SNTG1: variants seen among roughly 807,000 people sequenced by gnomAD.
The protein encoded by SNTG1 is gamma-1-syntrophin.
Under a neutral mutation model 74.7 loss-of-function variants are expected in SNTG1, and 39 were observed. The observed-to-expected ratio is 0.52, with a 90% CI of 0.40 to 0.68. The LOEUF is 0.68. Ranked by LOEUF, SNTG1 falls within the 30% of genes least tolerant of loss-of-function variation. SNTG1 has a pLI of 0.00. For synonymous variants in SNTG1, 254 were observed against 217.1 expected, an observed-to-expected ratio of 1.17 and a Z score of -1.49; for missense variants, 685 against 609.5, an observed-to-expected ratio of 1.12 and a Z score of -1.30.
rs185599093 is a variant in SNTG1 at position 50,162,300 on chromosome 8, T to C, written c.-102-10261T>C. On this transcript the variant is annotated intron_variant, in intron 1 of 18. Transcript: ENST00000642720. ...AGCACCGGCCGTGCGCGGTGGCTCA[T>C]GCCTGTAATCCCAGCACTTTGGGAG... Among the ~76,000 whole-genome samples the C allele has an allele frequency of 6.4e-3, 978 of 152,142 alleles. 10 individuals are homozygous for C. Among genetic ancestry groups the C allele is most frequent in the Middle Eastern group, 0.01 (3 of 294 alleles).
chr8:50,591,864 A>G (rs1178764797), intron 13 of SNTG1, among the ~76,000 whole-genome samples: 1 of 152,132 alleles, frequency 6.6e-6, no homozygotes, highest in African/African-American at 2.4e-5. Flanking sequence ...CCAAGTTGAT[A>G]TCTTGGATAA....
At chr8:50,304,208 C>A (rs1266226603) in intron 2 of SNTG1, among the ~76,000 whole-genome samples, 4 of 152,222 alleles carry the variant, frequency 2.6e-5, no homozygotes, top group Admixed American at 2.0e-4. Context: ...TAGGTTTTGC[C>A]TCTATTTTCT....
chr8:50,577,520 G>A (rs1383821), intron 12 of SNTG1, among the ~76,000 whole-genome samples: 90,304 of 148,692 alleles, frequency 0.61, 30,062 homozygotes, highest in East Asian at 0.78. Context: ...TAATGGCCTC[G>A]TAAAATGAGT....
At chr8:50,751,142 T>C (rs2095566352) in intron 17 of SNTG1, among the ~76,000 whole-genome samples, 1 of 152,052 alleles carries the variant, frequency 6.6e-6, no homozygotes, top group Non-Finnish European at 1.5e-5. Flanking sequence ...TTCTATCACA[T>C]ATTTAATGAG....
chr8:50,742,734 A>G (rs1163118014), intron 17 of SNTG1, among the ~76,000 whole-genome samples: 1 of 151,850 alleles, frequency 6.6e-6, no homozygotes, highest in Non-Finnish European at 1.5e-5. Context: ...AGAAAAATCA[A>G]CAAAATTAAA....
intron 8 of SNTG1, among the ~76,000 whole-genome samples, chr8:50,499,422 CT>C (rs1209490748): frequency 1.6e-3 from 212 of 135,178 alleles, no homozygotes; most frequent in Non-Finnish European, 1.8e-3. Flanking sequence ...GTTCCAGGAG[CT>C]TTTTTTTTTT....
intron 13 of SNTG1, among the ~76,000 whole-genome samples, chr8:50,596,149 T>C (rs1028638207): frequency 6.6e-6 from 1 of 152,044 alleles, no homozygotes; most frequent in African/African-American, 2.4e-5. Flanking sequence ...TTGGACATTC[T>C]AATAGATGTG....
chr8:50,291,180 C>T (rs1435028576), intron 2 of SNTG1, among the ~76,000 whole-genome samples: 1 of 151,982 alleles, frequency 6.6e-6, no homozygotes, highest in African/African-American at 2.4e-5. Flanking sequence ...TCTCCTCAAA[C>T]ATCTTGCCTA....
intron 12 of SNTG1, among the ~76,000 whole-genome samples, chr8:50,557,117 G>A (rs2094460255): frequency 6.6e-6 from 1 of 151,716 alleles, no homozygotes; most frequent in African/African-American, 2.4e-5. Context: ...GGTGGGCAAG[G>A]AGGCTGGGCC....
chr8:50,263,932 G>A (rs2087324151), intron 2 of SNTG1, among the ~76,000 whole-genome samples: 1 of 152,256 alleles, frequency 6.6e-6, no homozygotes, highest in South Asian at 2.1e-4. Context: ...CATATGCTAA[G>A]CCATAAAACA....
At chr8:50,687,193 G>C (rs1585530169) in intron 15 of SNTG1, among the ~76,000 whole-genome samples, 2 of 147,006 alleles carry the variant, frequency 1.4e-5, no homozygotes, top group South Asian at 4.4e-4. Context: ...TATGACTATA[G>C]AAAACCATGA....
chr8:50,355,720 A>T (rs1489215403), intron 2 of SNTG1, among the ~76,000 whole-genome samples: 1 of 152,182 alleles, frequency 6.6e-6, no homozygotes, highest in Admixed American at 6.5e-5. Context: ...CAGCTGTGGG[A>T]TTTGACCTAA....
At chr8:50,438,687 A>G in intron 5 of SNTG1, 88 bp downstream of exon 5, 1 of 1,123,838 alleles carries the variant, frequency 8.9e-7, no homozygotes, top group Middle Eastern at 2.0e-4. Context: ...ATTAATAATT[A>G]GACAAGGATG....
chr8:50,678,649 G>T (rs528399718), intron 15 of SNTG1, among the ~76,000 whole-genome samples: 1 of 152,044 alleles, frequency 6.6e-6, no homozygotes, highest in East Asian at 1.9e-4. Context: ...ATACATGATT[G>T]AAGGAATGTT....
intron 2 of SNTG1, among the ~76,000 whole-genome samples, chr8:50,262,946 T>C (rs1011326727): frequency 1.3e-5 from 2 of 152,158 alleles, no homozygotes; most frequent in African/African-American, 2.4e-5. Context: ...AAGAGAGAGA[T>C]GCATTATCAC....
intron 1 of SNTG1, among the ~76,000 whole-genome samples, chr8:50,162,851 T>G (rs2082473131): frequency 6.6e-6 from 1 of 152,110 alleles, no homozygotes; most frequent in African/African-American, 2.4e-5. Context: ...TATCCCAGCT[T>G]CAGAGCATGA....
intron 1 of SNTG1, among the ~76,000 whole-genome samples, chr8:50,162,582 A>G (rs982327086): frequency 2.0e-5 from 3 of 151,276 alleles, no homozygotes; most frequent in East Asian, 3.9e-4. Flanking sequence ...AAAAAAGAAA[A>G]AAAAAGAAAG....
intron 13 of SNTG1, among the ~76,000 whole-genome samples, chr8:50,627,000 G>A (rs2094960933): frequency 6.6e-6 from 1 of 152,030 alleles, no homozygotes; most frequent in Non-Finnish European, 1.5e-5. Context: ...TTTCACTATT[G>A]ATGTTGATGT....
chr8:50,616,923 A>C (rs1299717997), intron 13 of SNTG1, among the ~76,000 whole-genome samples: 1 of 152,122 alleles, frequency 6.6e-6, no homozygotes, highest in Non-Finnish European at 1.5e-5. Context: ...ACCCATCTAC[A>C]CAACAGCTGC....
Sources: gnomAD v4.1 joint callset for allele counts (sites outside exome capture counted in the v4.1 genomes callset) on GRCh38, gnomAD v4.1.1 for gene constraint, MANE v1.5 for transcripts, NCBI Gene and HGNC (gene_info 2026-07-23, HGNC 2026-07-21) for gene names.